LZTFL1: variants seen among roughly 807,000 people sequenced by gnomAD.
LZTFL1 encodes leucine zipper transcription factor-like protein 1.
A neutral mutation model predicts 45.9 loss-of-function variants in LZTFL1; 25 were observed. That is an observed-to-expected ratio of 0.54 (90% CI 0.40 to 0.76). LZTFL1 has a LOEUF of 0.76. LZTFL1 is among the 30% of genes least tolerant of loss of function. LZTFL1 has a pLI of 0.00. For missense variants in LZTFL1, 277 were observed against 331.1 expected (o/e 0.84, Z 1.27); for synonymous variants, 93 against 117.4 (o/e 0.79, Z 1.35).
In LZTFL1 at chr3:45,824,859, G is replaced by A; in HGVS notation, c.*1455C>T. 2 of 398,426 alleles carry A rather than the reference G, an allele frequency of 5.0e-6. No homozygotes were observed. The highest frequency in any genetic ancestry group is 7.1e-5 in the East Asian group (2 of 28,042). 24.7% of individuals were successfully genotyped at this position (398,426 alleles called of 1,614,324 possible). A position where few individuals can be genotyped will look rare whatever the true frequency, so the allele number is the denominator to read the frequency against. On this transcript the variant is annotated 3_prime_UTR_variant, in exon 10 of 10. Coordinates refer to ENST00000296135, the MANE Select transcript of LZTFL1 (RefSeq NM_020347.4). Reference sequence around the variant, plus strand: ...AAGCTCCAAAAGGGCACAGAAACTGGTAAGTGACCTAAATATGGAGAGACA... The same window carrying A: ...AAGCTCCAAAAGGGCACAGAAACTGATAAGTGACCTAAATATGGAGAGACA...
intron 2 of LZTFL1, among the ~76,000 whole-genome samples, chr3:45,910,532 G>A (rs1234766095): frequency 6.6e-6 from 1 of 152,160 alleles, no homozygotes; most frequent in African/African-American, 2.4e-5. Flanking sequence ...ACCTGGCTAG[G>A]AGCAGCTTCC....
chr3:45,910,428 A>G (rs899812461), intron 2 of LZTFL1, among the ~76,000 whole-genome samples: 2 of 152,162 alleles, frequency 1.3e-5, no homozygotes, highest in African/African-American at 4.8e-5. Flanking sequence ...GGAGGGGAGG[A>G]TCAGCAGAGA....
At chr3:45,841,885 C>G (rs754216211) in intron 1 of LZTFL1, 104 bp downstream of exon 1, 152 of 1,449,874 alleles carry the variant, frequency 1.0e-4, no homozygotes, top group Non-Finnish European at 1.3e-4. Context: ...GCGGCCAGAC[C>G]CAACGAGGCC....
At position 45,900,951 on chromosome 3, in the gene LZTFL1, T is replaced by C; in HGVS notation, c.-215+12169A>G. The C allele has an allele frequency of 6.2e-7, 1 of 1,614,250 alleles. No homozygotes were observed. The highest frequency in any genetic ancestry group is 8.5e-7 in the Non-Finnish European group (1 of 1,180,028). On this transcript the variant is annotated intron_variant, in intron 2 of 4. Transcript: ENST00000472635. This position sits in a 1 kb window ranked among gnomAD's most constrained non-coding sequence, Gnocchi z 4.7. ...TGCGAGCCATTTCCTCCCACCCTTG[T>C]ACTGGCTCGTGTTCATCGTGGGTGC... is the stretch of plus-strand genomic sequence containing the variant.
intron 2 of LZTFL1, among the ~76,000 whole-genome samples, chr3:45,863,189 TGTCCTTC>T (rs1701520438): frequency 6.6e-6 from 1 of 152,252 alleles, no homozygotes; most frequent in African/African-American, 2.4e-5. Context: ...GTGCGTCTAA[TGTCCTTC>T]AGGTAGGAAC....
chr3:45,850,283 G>C (rs189951945), intron 4 of LZTFL1, among the ~76,000 whole-genome samples: 88 of 152,312 alleles, frequency 5.8e-4, no homozygotes, highest in Middle Eastern at 3.4e-3. Context: ...AGAGAATGGA[G>C]GCTAAGTGAA....
At chr3:45,843,445 C>T (rs1167070010), upstream of LZTFL1, among the ~76,000 whole-genome samples, 1 of 152,174 alleles carries the variant, frequency 6.6e-6, no homozygotes, top group African/African-American at 2.4e-5. Context: ...AGATGAAGTT[C>T]ATAAAAACTT....
At chr3:45,899,967 G>C (rs1355592070) in intron 2 of LZTFL1, among the ~76,000 whole-genome samples, 1 of 152,204 alleles carries the variant, frequency 6.6e-6, no homozygotes, top group Non-Finnish European at 1.5e-5. Flanking sequence ...GCATGCATGA[G>C]TGTGTACCTA....
intron 2 of LZTFL1, among the ~76,000 whole-genome samples, chr3:45,903,525 T>C (rs1204270529): frequency 6.6e-6 from 1 of 152,256 alleles, no homozygotes; most frequent in Non-Finnish European, 1.5e-5. Flanking sequence ...CCCCAGTGCC[T>C]TGTGGATCGC....
At chr3:45,846,936 G>C (rs1379172684), upstream of LZTFL1, among the ~76,000 whole-genome samples, 2 of 152,134 alleles carry the variant, frequency 1.3e-5, no homozygotes, top group African/African-American at 4.8e-5. Flanking sequence ...ATGTTTCAGT[G>C]CCTGCATAAT....
At position 45,824,523 on chromosome 3, in the gene LZTFL1, A is replaced by G. The variant is rs72876520; in HGVS notation, c.*1791T>C. 1 of 273,304 alleles carries G rather than the reference A, an allele frequency of 3.7e-6. No individual in the cohort carries two copies. The highest frequency in any genetic ancestry group is 2.2e-5 in the African/African-American group (1 of 45,912). The allele number at this position is 273,304 out of a possible 1,614,324, so 16.9% of individuals were successfully genotyped here. A position where few individuals can be genotyped will look rare whatever the true frequency, so the allele number is the denominator to read the frequency against. On this transcript the variant is annotated 3_prime_UTR_variant, in exon 10 of 10. Transcript: ENST00000296135. Reference sequence around the variant, plus strand: ...TTTAAGGTTTTAGAAATATTTTTGAATTTATTATTAAACAATAGGAACGTA... The same window carrying G: ...TTTAAGGTTTTAGAAATATTTTTGAGTTTATTATTAAACAATAGGAACGTA...
intron 2 of LZTFL1, among the ~76,000 whole-genome samples, chr3:45,890,474 C>T (rs1364750116): frequency 6.8e-6 from 1 of 147,544 alleles, no homozygotes; most frequent in Non-Finnish European, 1.5e-5. Context: ...CTCAACTGGG[C>T]ATTTTTCATC....
intron 2 of LZTFL1, among the ~76,000 whole-genome samples, chr3:45,866,074 A>G (rs1472772859): frequency 6.6e-6 from 1 of 152,236 alleles, no homozygotes; most frequent in Admixed American, 6.5e-5. Context: ...AAAATTCTAG[A>G]AATGCAAACC....
intron 2 of LZTFL1, among the ~76,000 whole-genome samples, chr3:45,890,269 A>AT (rs1466215987): frequency 0.017 from 174 of 10,430 alleles, 55 homozygotes; most frequent in African/African-American, 0.056. Context: ...ATATATATAT[A>AT]ACATATATAT....
intron 9 of LZTFL1, 91 bp from the exon 10 acceptor site, chr3:45,826,423 C>T (rs1050727179): frequency 5.6e-5 from 57 of 1,018,612 alleles, no homozygotes; most frequent in South Asian, 2.8e-4. Context: ...CACTATATTT[C>T]TCACTTCAAA....
intron 2 of LZTFL1, chr3:45,883,651 T>C: frequency 2.1e-6 from 1 of 486,190 alleles, no homozygotes. Context: ...TTCTACAATG[T>C]GGCAGTATCT....
rs547808466 is a variant in LZTFL1 at position 45,851,402 on chromosome 3, CT to C, written c.-49+3583del. On this transcript the variant is annotated intron_variant, in intron 4 of 4. Coordinates refer to the LZTFL1 transcript ENST00000472635. ...CCACCACGCCCAGCTCAGTTTTGTA[CT>C]TTTAGTAGAGACAGGGTTTCACTGT... Among the ~76,000 whole-genome samples, 175 of 151,726 alleles carry C rather than the reference CT, an allele frequency of 1.2e-3. 2 individuals are homozygous for C. The highest frequency in any genetic ancestry group is 3.9e-3 in the African/African-American group (163 of 41,400).
chr3:45,846,837 A>G (rs1701224369), upstream of LZTFL1, among the ~76,000 whole-genome samples: 1 of 152,174 alleles, frequency 6.6e-6, no homozygotes, highest in African/African-American at 2.4e-5. Flanking sequence ...GTGTAACTTT[A>G]TGGAAATGCA....
intron 2 of LZTFL1, among the ~76,000 whole-genome samples, chr3:45,905,955 C>G (rs919305285): frequency 2.6e-5 from 4 of 152,160 alleles, no homozygotes; most frequent in Non-Finnish European, 5.9e-5. Flanking sequence ...CTTTGTGAAG[C>G]CTTCATGGCA....
Sources: allele counts gnomAD v4.1 joint callset (sites outside exome capture counted in the v4.1 genomes callset), GRCh38; gene constraint gnomAD v4.1.1; non-coding constraint Gnocchi (gnomAD v3.1); transcripts MANE v1.5; gene names NCBI Gene and HGNC (gene_info 2026-07-23, HGNC 2026-07-21).